ACSM5: variants seen among roughly 807,000 people sequenced by gnomAD.
ACSM5 encodes the protein acyl-coenzyme A synthetase ACSM5, mitochondrial.
Under a neutral mutation model 71.6 loss-of-function variants are expected in ACSM5, and 56 were observed. The ratio of observed to expected loss-of-function variants is 0.78; its 90% CI spans 0.63 to 0.98. The LOEUF (loss-of-function observed/expected upper bound fraction) is 0.98, where lower values mean the gene tolerates loss of function less well. ACSM5 is among the 50% of genes least tolerant of loss of function. The pLI is 0.00. For synonymous variants in ACSM5, 285 were observed against 281.5 expected, an observed-to-expected ratio of 1.01 and a Z score of -0.12; for missense variants, 723 against 726.0, an observed-to-expected ratio of 1.00 and a Z score of 0.05.
intron 8 of ACSM5, among the ~76,000 whole-genome samples, chr16:20,430,233 ACACT>A (rs1027923705): frequency 3.6e-5 from 5 of 139,186 alleles, no homozygotes; most frequent in African/African-American, 1.4e-4. Context: ...ACACACACAC[ACACT>A]ACTTATAAAT....
chr16:20,430,706 G>GAA (rs375581562), intron 8 of ACSM5, among the ~76,000 whole-genome samples: 2 of 149,952 alleles, frequency 1.3e-5, no homozygotes, highest in African/African-American at 2.5e-5. Context: ...GGAAAAGAAT[G>GAA]AAAAAAAGGA....
In ACSM5 at chr16:20,431,228, T is replaced by G; in HGVS notation, c.1215T>G (p.Asp405Glu). 6.2e-7 allele frequency: 1 copy of G among 1,614,052 alleles called. No homozygotes were observed. Among genetic ancestry groups the G allele is most frequent in the Non-Finnish European group, 8.5e-7 (1 of 1,179,930 alleles). Reference protein sequence around the residue: ...ASPPYDVQIVDDEGNVLPPGE... With the variant: ...ASPPYDVQIVEDEGNVLPPGE... The stretch of plus-strand genomic sequence containing the variant: ...GATGATTTCCTTACCAGATTGTGGA[T>G]GATGAGGGCAACGTCCTGCCTCCTG... Residue 405 changes from aspartate to glutamate, a missense_variant, in exon 10 of 14, where the codon GAT becomes GAG. Physicochemically the swap from Asp to Glu is conservative, Grantham distance 45. Transcript: ENST00000331849.
intron 1 of ACSM5, among the ~76,000 whole-genome samples, chr16:20,411,047 C>T (rs8063217): frequency 0.13 from 19,753 of 152,228 alleles, 2,074 homozygotes; most frequent in African/African-American, 0.29. Flanking sequence ...ATCTCACCTG[C>T]TTCTACTTTT....
rs1355159891 is a variant in ACSM5 at position 20,439,830 on chromosome 16, G to A, written c.1567G>A (p.Ala523Thr). 6.2e-7 allele frequency: 1 copy of A among 1,607,358 alleles called. No homozygotes were observed. The highest frequency in any genetic ancestry group is 8.5e-7 in the Non-Finnish European group (1 of 1,174,484). The change falls in exon 13 of 14, where the codon GCC becomes ACC. Residue 523 changes from alanine to threonine, a missense_variant. Physicochemically the swap from Ala to Thr is moderately conservative, Grantham distance 58. Coordinates refer to ENST00000331849, the MANE Select transcript of ACSM5 (RefSeq NM_017888.3). ...VVKAFIVLTP[A>T]YSSHDPEALT... ...AAAGGCATTTATAGTCCTTACTCCA[G>A]CCTACTCCTCTCATGACCCAGAGGC...
chr16:20,411,745 C>T, intron 2 of ACSM5, 57 bp downstream of exon 2: 1 of 1,546,130 alleles, frequency 6.5e-7, no homozygotes, highest in Non-Finnish European at 8.9e-7. Context: ...CCCTCATGTA[C>T]CACAATGAGA....
chr16:20,413,495 G>GT (rs1441141396), intron 2 of ACSM5, among the ~76,000 whole-genome samples: 1 of 152,156 alleles, frequency 6.6e-6, no homozygotes, highest in Non-Finnish European at 1.5e-5. Flanking sequence ...TTCCCTGGGG[G>GT]TTTTTGTCCA....
intron 13 of ACSM5, among the ~76,000 whole-genome samples, 158 bp downstream of exon 13, chr16:20,440,077 T>C (rs1187513096): frequency 2.0e-5 from 3 of 151,864 alleles, no homozygotes; most frequent in East Asian, 1.9e-4. Context: ...ATTTCTTCAC[T>C]TGGATTCTCC....
chr16:20,430,105 T>A (rs915045583), intron 8 of ACSM5, among the ~76,000 whole-genome samples: 1 of 151,920 alleles, frequency 6.6e-6, no homozygotes, highest in African/African-American at 2.4e-5. Flanking sequence ...TAATGTACAC[T>A]ACTCAGCTTA....
At chr16:20,427,739 C>T (rs115276005) in intron 6 of ACSM5, 49 bp from the exon 7 acceptor site, 1 of 1,287,116 alleles carries the variant, frequency 7.8e-7, no homozygotes, top group African/African-American at 1.5e-5. Context: ...TCTTCATGGT[C>T]CCACCCCAAT....
intron 12 of ACSM5, among the ~76,000 whole-genome samples, chr16:20,438,049 A>G (rs915659607): frequency 2.0e-5 from 3 of 151,822 alleles, no homozygotes; most frequent in Non-Finnish European, 4.4e-5. Context: ...TGGAGGTCTT[A>G]AACTCCTGAC....
intron 2 of ACSM5, among the ~76,000 whole-genome samples, chr16:20,413,563 G>A (rs1966851314): frequency 6.6e-6 from 1 of 152,136 alleles, no homozygotes; most frequent in South Asian, 2.1e-4. Flanking sequence ...GGATAACAGT[G>A]GGACAAACAA....
chr16:20,429,839 C>A, intron 8 of ACSM5, 38 bp downstream of exon 8: 2 of 1,605,750 alleles, frequency 1.2e-6, no homozygotes, highest in Non-Finnish European at 1.7e-6. Context: ...CCCCCCAGGT[C>A]CCCTCGAGAG....
intron 3 of ACSM5, among the ~76,000 whole-genome samples, chr16:20,418,711 T>C (rs1966864098): frequency 6.6e-6 from 1 of 152,148 alleles, no homozygotes; most frequent in Non-Finnish European, 1.5e-5. Flanking sequence ...TTTCTGCTGG[T>C]TGTGGTTTGG....
At chr16:20,414,189 A>T (rs1482339702) in intron 2 of ACSM5, among the ~76,000 whole-genome samples, 1 of 152,242 alleles carries the variant, frequency 6.6e-6, no homozygotes, top group Non-Finnish European at 1.5e-5. Flanking sequence ...CCCCTTCCCC[A>T]AGATTTTTAT....
rs372902299 is a variant in ACSM5 at position 20,430,951 on chromosome 16, A to G, written c.1126-42A>G. On this transcript the variant is annotated intron_variant, in intron 8 of 13. Transcript: ENST00000331849. ...AAAGGCATGGCCCAGGAAAGAAGCTAAGTGGAAAGGCTCTTCTTTATCTGT... is the reference window on the plus strand; with the variant it reads ...AAAGGCATGGCCCAGGAAAGAAGCTGAGTGGAAAGGCTCTTCTTTATCTGT... The G allele has an allele frequency of 5.4e-6, 8 of 1,476,682 alleles. No individual in the cohort carries two copies. In the African/African-American group the frequency reaches 5.6e-5, roughly 10 times the overall value. 91.5% of individuals were successfully genotyped at this position (1,476,682 alleles called of 1,614,324 possible).
At chr16:20,419,609 C>T (rs1966869542) in intron 4 of ACSM5, 174 bp downstream of exon 4, 2 of 636,544 alleles carry the variant, frequency 3.1e-6, no homozygotes, top group Non-Finnish European at 2.7e-6. Context: ...TGTTCAAGGT[C>T]CCTCATTCAG....
rs528643775 is a variant in ACSM5, at chr16:20,419,295, C to G, written c.483C>G (p.Ser161=). 6.2e-7 allele frequency: 1 copy of G among 1,614,108 alleles called. No individual in the cohort carries two copies. Among genetic ancestry groups the G allele is most frequent in the Non-Finnish European group, 8.5e-7 (1 of 1,180,014 alleles). The change falls in exon 4 of 14, where the codon TCC becomes TCG. Residue 161 remains serine (S), a synonymous_variant. Transcript: ENST00000331849. ...EKDLKYRLQA[S]RAKSIITSDS... ...ACCTCAAGTACCGGCTGCAGGCGTCCAGGGCCAAGTCCATTATCACCAGTG... is the reference window on the plus strand; with the variant it reads ...ACCTCAAGTACCGGCTGCAGGCGTCGAGGGCCAAGTCCATTATCACCAGTG...
intron 5 of ACSM5, among the ~76,000 whole-genome samples, chr16:20,422,302 G>A (rs535791869): frequency 3.3e-5 from 5 of 152,118 alleles, no homozygotes; most frequent in South Asian, 2.1e-4. Flanking sequence ...AGTAGAGACC[G>A]GGTTTCACCA....
At chr16:20,419,582 C>A in intron 4 of ACSM5, 147 bp downstream of exon 4, 1 of 733,458 alleles carries the variant, frequency 1.4e-6, no homozygotes, top group Non-Finnish European at 2.3e-6. Context: ...TGAGCATAAT[C>A]CTGGTCCCTA....
Sources: gnomAD v4.1 joint callset for allele counts (sites outside exome capture counted in the v4.1 genomes callset) on GRCh38, gnomAD v4.1.1 for gene constraint, MANE v1.5 for transcripts, NCBI Gene and HGNC (gene_info 2026-07-23, HGNC 2026-07-21) for gene names.